TENM2: variants seen among roughly 807,000 people sequenced by gnomAD.
TENM2 encodes teneurin-2.
Under a neutral mutation model 245.2 loss-of-function variants are expected in TENM2, and 52 were observed. The ratio of observed to expected loss-of-function variants is 0.21; its 90% CI spans 0.17 to 0.27. The LOEUF is 0.27. Ranked by LOEUF, TENM2 falls within the 10% of genes least tolerant of loss-of-function variation. The pLI is 1.00. For missense variants in TENM2, 3,046 were observed against 3,666.8 expected, an observed-to-expected ratio of 0.83 and a Z score of 4.37; for synonymous variants, 1,363 against 1,438.9, an observed-to-expected ratio of 0.95 and a Z score of 1.19.
intron 1 of TENM2, among the ~76,000 whole-genome samples, chr5:167,355,949 G>A (rs1310650142): frequency 6.7e-6 from 1 of 149,394 alleles, no homozygotes; most frequent in Non-Finnish European, 1.5e-5. Flanking sequence ...TTGGGAGGCC[G>A]AGGCGGGCAG....
chr5:167,599,633 A>C (rs1776470212), intron 2 of TENM2, among the ~76,000 whole-genome samples: 1 of 152,182 alleles, frequency 6.6e-6, no homozygotes, highest in South Asian at 2.1e-4. Flanking sequence ...AATCTTATTT[A>C]ATGCCATTTT....
intron 6 of TENM2, among the ~76,000 whole-genome samples, chr5:168,047,870 G>A (rs1167697452): frequency 2.0e-5 from 3 of 152,068 alleles, no homozygotes; most frequent in Admixed American, 6.5e-5. Flanking sequence ...AGCAGCCACA[G>A]CAGCAGCTGG....
chr5:167,545,461 A>G (rs1443390687), intron 2 of TENM2, among the ~76,000 whole-genome samples: 4 of 152,214 alleles, frequency 2.6e-5, no homozygotes, highest in Admixed American at 2.6e-4. Flanking sequence ...AAAGTCCAAC[A>G]TTAAAGGGCA....
chr5:167,002,427 T>G, the TENM2 span, among the ~76,000 whole-genome samples: 1 of 152,100 alleles, frequency 6.6e-6, no homozygotes, highest in African/African-American at 2.4e-5. Context: ...AAGATAAAAG[T>G]CTCATCTTGA....
chr5:167,418,728 T>A (rs866379577), intron 2 of TENM2, among the ~76,000 whole-genome samples: 4 of 152,134 alleles, frequency 2.6e-5, no homozygotes, highest in Non-Finnish European at 5.9e-5. Flanking sequence ...ATGTCAAGCG[T>A]GTGTTTGCTG....
chr5:167,321,081 T>A (rs1348030148), intron 1 of TENM2, among the ~76,000 whole-genome samples: 1 of 152,142 alleles, frequency 6.6e-6, no homozygotes, highest in African/African-American at 2.4e-5. Context: ...CATTTTCAAA[T>A]GACCTTACAA....
intron 2 of TENM2, among the ~76,000 whole-genome samples, chr5:167,556,788 G>A (rs1720200882): frequency 6.6e-6 from 1 of 152,090 alleles, no homozygotes; most frequent in South Asian, 2.1e-4. Context: ...AACATGCAAG[G>A]CTCATTCACC....
At chr5:167,351,093 T>C (rs200880661) in intron 1 of TENM2, among the ~76,000 whole-genome samples, 596 of 121,026 alleles carry the variant, frequency 4.9e-3, no homozygotes, top group East Asian at 0.016. Context: ...TATATACATA[T>C]GGATATATAT....
chr5:167,898,878 G>A (rs559206494), intron 3 of TENM2, among the ~76,000 whole-genome samples: 144 of 152,280 alleles, frequency 9.5e-4, no homozygotes, highest in African/African-American at 3.4e-3. Flanking sequence ...GGGAGGGAAG[G>A]AGATCTTCGT....
rs955486649 is a variant in TENM2 at position 168,248,881 on chromosome 5, G to A, written c.7432+510G>A. On this transcript the variant is annotated intron_variant, in intron 27 of 28. Coordinates refer to ENST00000518659, the Ensembl canonical transcript of TENM2. Reference sequence around the variant, plus strand: ...CCCACGTAATCCCAGCACTTTGAGAGGCTGAGGCAGATGGATCCCTTGAGG... The same window carrying A: ...CCCACGTAATCCCAGCACTTTGAGAAGCTGAGGCAGATGGATCCCTTGAGG... Among the ~76,000 whole-genome samples, 3 of 152,202 alleles carry A rather than the reference G, an allele frequency of 2.0e-5. No individual in the cohort carries two copies. The East Asian group carries it at 5.8e-4, about 29-fold the overall frequency.
rs200530396 is a variant in TENM2 at position 167,778,721 on chromosome 5, CT to C, written c.503-97264del. On this transcript the variant is annotated intron_variant, in intron 2 of 28. Transcript: ENST00000518659. ...TGTTAGCAGTATAGCACAATTTTTC[CT>C]ACAAAAGGAATTAAAATGATAACTA... 8.5e-3 allele frequency among the ~76,000 whole-genome samples: 1,291 copies of C among 152,112 alleles called. 22 individuals carry two copies. The highest frequency in any genetic ancestry group is 0.03 in the African/African-American group (1,225 of 41,474).
chr5:167,922,685 C>T (rs1430439196), intron 3 of TENM2, among the ~76,000 whole-genome samples: 2 of 152,200 alleles, frequency 1.3e-5, no homozygotes, highest in Non-Finnish European at 2.9e-5. Context: ...CACTCTCTTT[C>T]CACTGCCCAG....
At chr5:168,210,212 T>G (rs928020553) in intron 19 of TENM2, among the ~76,000 whole-genome samples, 22 of 152,192 alleles carry the variant, frequency 1.4e-4, no homozygotes, top group Non-Finnish European at 1.3e-4. Context: ...AGCAGTGACC[T>G]CAGCCTTTCT....
intron 8 of TENM2, among the ~76,000 whole-genome samples, chr5:168,091,426 A>G (rs1440518156): frequency 6.6e-6 from 1 of 152,204 alleles, no homozygotes; most frequent in Non-Finnish European, 1.5e-5. Flanking sequence ...GTCCTTATAC[A>G]TGCAATACAA....
chr5:167,465,828 C>CA (rs11386730), intron 2 of TENM2, among the ~76,000 whole-genome samples: 62,063 of 151,016 alleles, frequency 0.41, 13,212 homozygotes, highest in Non-Finnish European at 0.48. Context: ...GAGACTGTCT[C>CA]AAAAAAAGAA....
chr5:167,860,979 C>T (rs1771737888), intron 2 of TENM2, among the ~76,000 whole-genome samples: 1 of 128,324 alleles, frequency 7.8e-6, no homozygotes, highest in Non-Finnish European at 1.7e-5. Flanking sequence ...ACCTTCCCTC[C>T]ACTATTGTCC....
At chr5:168,118,764 C>G (rs1795269017) in intron 10 of TENM2, among the ~76,000 whole-genome samples, 1 of 151,838 alleles carries the variant, frequency 6.6e-6, no homozygotes, top group African/African-American at 2.4e-5. Context: ...TTAAATTGCT[C>G]TCTCTGCCTT....
chr5:168,046,105 C>T (rs1161643912), intron 5 of TENM2, among the ~76,000 whole-genome samples: 1 of 152,192 alleles, frequency 6.6e-6, no homozygotes, highest in Non-Finnish European at 1.5e-5. Flanking sequence ...CACCTTGCCA[C>T]CTTCATCTGT....
intron 2 of TENM2, among the ~76,000 whole-genome samples, chr5:167,612,134 A>G (rs1248154859): frequency 6.6e-6 from 1 of 152,114 alleles, no homozygotes; most frequent in African/African-American, 2.4e-5. Context: ...CAGGATTCGA[A>G]TCGGAGTTCC....
Sources: allele counts gnomAD v4.1 joint callset (sites outside exome capture counted in the v4.1 genomes callset), GRCh38; gene constraint gnomAD v4.1.1; transcripts MANE v1.5; gene names NCBI Gene and HGNC (gene_info 2026-07-23, HGNC 2026-07-21).